Variants in SYNE1 observed in about 807,000 individuals in gnomAD.
SYNE1 encodes the protein spectrin repeat containing nuclear envelope protein 1.
In SYNE1, 616 loss-of-function variants were observed where a neutral mutation model predicts 1,111.0. The observed-to-expected ratio is 0.55, with a 90% CI of 0.52 to 0.59. SYNE1 has a LOEUF of 0.59. Ranked by LOEUF, SYNE1 falls within the 20% of genes least tolerant of loss-of-function variation. SYNE1 has a pLI of 0.00. For synonymous variants in SYNE1, 3,855 were observed against 3,825.8 expected (o/e 1.01, Z -0.28); for missense variants, 10,006 against 10,417.0 (o/e 0.96, Z 1.72).
Position 152,329,816 on chromosome 6 carries a change from C to A in SYNE1, c.14869G>T (p.Glu4957Ter), listed in dbSNP as rs1209080796. Residue 4957 changes from glutamate (E) to a stop codon, truncating the protein, a stop_gained, in exon 78 of 146, where the codon GAG (glutamate) becomes TAG (stop). Transcript: ENST00000367255. LOFTEE classifies it high-confidence loss of function. The part of the protein sequence containing the change: ...KEKEKFTKAK[E>*]LISADLEHSL... The stretch of plus-strand genomic sequence containing the variant: ...TGTTCTAAATCCGCAGAAATCAGCT[C>A]CTTGGCCTTTGTGAACTTCTCCTTT... 1 of 1,614,160 alleles carries A rather than the reference C, an allele frequency of 6.2e-7. No homozygotes were observed. Among genetic ancestry groups the A allele is most frequent in the African/African-American group, 1.3e-5 (1 of 75,042 alleles).
At chr6:152,570,071 C>A (rs182872163) in intron 3 of SYNE1, among the ~76,000 whole-genome samples, 5 of 152,284 alleles carry the variant, frequency 3.3e-5, no homozygotes, top group Non-Finnish European at 2.9e-5. Flanking sequence ...GCAATTATTT[C>A]GTGTTGTCTA....
chr6:152,574,142 T>C (rs1182306592), intron 3 of SYNE1, among the ~76,000 whole-genome samples: 1 of 144,586 alleles, frequency 6.9e-6, no homozygotes, highest in Non-Finnish European at 1.5e-5. Context: ...GAATATATAA[T>C]GGGATATACA....
intron 87 of SYNE1, chr6:152,315,738 T>C (rs1191304601): frequency 6.6e-6 from 1 of 152,214 alleles, no homozygotes. Context: ...AGTGGTAACT[T>C]AAGTCCTGTC....
At chr6:152,277,891 C>G in intron 98 of SYNE1, 198 bp downstream of exon 98, 1 of 680,884 alleles carries the variant, frequency 1.5e-6, no homozygotes, top group South Asian at 1.6e-5. Flanking sequence ...GTTAGTAGTC[C>G]TAACAAAATC....
At chr6:152,535,383 T>C (rs1366881310) in intron 4 of SYNE1, among the ~76,000 whole-genome samples, 2 of 152,226 alleles carry the variant, frequency 1.3e-5, no homozygotes, top group Non-Finnish European at 2.9e-5. Flanking sequence ...GCTCATATCA[T>C]GCCTGAGTTC....
chr6:152,387,269 G>T lies in SYNE1; in HGVS notation c.8290C>A (p.Pro2764Thr), dbSNP rs201798366. 1.2e-6 allele frequency: 2 copies of T among 1,614,154 alleles called. No homozygotes were observed. The highest frequency in any genetic ancestry group is 2.7e-5 in the African/African-American group (2 of 75,040). ...AGGACGAACTTCTCTTTCAGACCTG[G>T]CTGTGGTTGTAAGGGATGTTCTATT... ...QKIEHPLQPQ[P>T]GLKEKFVLLD... The change falls in exon 54 of 146, where the codon CCA becomes ACA. Residue 2764 changes from proline (P) to threonine (T), a missense_variant. This residue lies in a region of SYNE1 where 4,955 missense variants were observed against 5,017.2 expected (regional missense o/e 0.99). Coordinates refer to ENST00000367255, the MANE Select transcript of SYNE1 (RefSeq NM_182961.4).
chr6:152,237,036 T>C lies in SYNE1; in HGVS notation c.20068-88A>G. On this transcript the variant is annotated intron_variant, in intron 108 of 145. Coordinates refer to ENST00000367255, the MANE Select transcript of SYNE1 (RefSeq NM_182961.4). ...TGGGTGCAAAATACGTGCCTGACAG[T>C]CTCTCCTTAAAGTTATATCAGAGAT... 3 of 1,534,130 alleles carry C rather than the reference T, an allele frequency of 2.0e-6. No individual in the cohort carries two copies. In the South Asian group the frequency reaches 3.5e-5, roughly 18 times the overall value.
At chr6:152,509,476 C>G (rs1344707224) in intron 8 of SYNE1, among the ~76,000 whole-genome samples, 1 of 152,110 alleles carries the variant, frequency 6.6e-6, no homozygotes, top group East Asian at 1.9e-4. Context: ...AGGCTGGTCT[C>G]GATCTCCTGA....
chr6:152,344,963 T>C (rs1008791814), intron 73 of SYNE1, among the ~76,000 whole-genome samples: 6 of 152,222 alleles, frequency 3.9e-5, no homozygotes, highest in African/African-American at 1.4e-4. Context: ...GAAATTAGTT[T>C]AACCTGGCAT....
chr6:152,476,066 G>A lies in SYNE1; in HGVS notation c.1351-3653C>T, dbSNP rs117124944. Among the ~76,000 whole-genome samples the A allele has an allele frequency of 8.0e-3, 1,222 of 152,096 alleles. 11 individuals carry two copies. The highest frequency in any genetic ancestry group is 0.011 in the Non-Finnish European group (774 of 67,994). Reference sequence around the variant, plus strand: ...TGGATTCCCTCCAGGATCAGTCCTTGGTCCCTTTCTCTTCTCTGTATATAC... The same window carrying A: ...TGGATTCCCTCCAGGATCAGTCCTTAGTCCCTTTCTCTTCTCTGTATATAC... On this transcript the variant is annotated intron_variant, in intron 14 of 145. Coordinates refer to ENST00000367255, the MANE Select transcript of SYNE1 (RefSeq NM_182961.4).
In SYNE1 at chr6:152,300,625, G is replaced by A. The variant is rs745523682; in HGVS notation, c.17682+16C>T. On this transcript the variant is annotated intron_variant, in intron 93 of 145. Coordinates refer to ENST00000367255, the MANE Select transcript of SYNE1 (RefSeq NM_182961.4). Reference sequence around the variant, plus strand: ...GCCCAGAGATTATTGCTAGAGGAATGCCAACTGGGAGGTACCTGGTTAACA... The same window carrying A: ...GCCCAGAGATTATTGCTAGAGGAATACCAACTGGGAGGTACCTGGTTAACA... The A allele has an allele frequency of 9.3e-6, 15 of 1,613,996 alleles. No homozygotes were observed. Among genetic ancestry groups the A allele is most frequent in the Non-Finnish European group, 1.3e-5 (15 of 1,180,022 alleles).
At chr6:152,458,650 T>C in intron 22 of SYNE1, 107 bp downstream of exon 22, 2 of 1,235,086 alleles carry the variant, frequency 1.6e-6, no homozygotes, top group Non-Finnish European at 2.3e-6. Flanking sequence ...AGTACTATTC[T>C]AGAAAAATGT....
Position 152,363,223 on chromosome 6 carries a change from G to A in SYNE1, c.10146-900C>T, listed in dbSNP as rs950161831. Among the ~76,000 whole-genome samples the A allele has an allele frequency of 3.2e-4, 48 of 147,802 alleles. 2 individuals are homozygous for A. The highest frequency in any genetic ancestry group is 7.4e-4 in the African/African-American group (30 of 40,810). On this transcript the variant is annotated intron_variant, in intron 63 of 145. Coordinates refer to ENST00000367255, the MANE Select transcript of SYNE1 (RefSeq NM_182961.4). ...AAATTTCATTAATCAGGCCGGGCGC[G>A]GTGACTCACGCCTGTAATCCCAGCA... is the stretch of plus-strand genomic sequence containing the variant.
Position 152,498,385 on chromosome 6 carries a change from ACTAAAC to A in SYNE1, c.939+351_939+356del, listed in dbSNP as rs377753321. The stretch of plus-strand genomic sequence containing the variant: ...CTCTGCTAACATTTTAAGATACAAA[ACTAAAC>A]CTTTATTTTGTTTTTATTTTCTGTG... On this transcript the variant is annotated intron_variant, in intron 11 of 145. Coordinates refer to ENST00000367255, the MANE Select transcript of SYNE1 (RefSeq NM_182961.4). Among the ~76,000 whole-genome samples, 276 of 152,314 alleles carry A rather than the reference ACTAAAC, an allele frequency of 1.8e-3. 2 individuals carry two copies. Among genetic ancestry groups the A allele is most frequent in the African/African-American group, 6.3e-3 (262 of 41,582 alleles).
At chr6:152,238,166 G>A (rs916309219) in intron 108 of SYNE1, among the ~76,000 whole-genome samples, 1 of 152,164 alleles carries the variant, frequency 6.6e-6, no homozygotes, top group Non-Finnish European at 1.5e-5. Context: ...GGTAGGGGTG[G>A]GAGGGAGTGC....
At chr6:152,502,763 T>C (rs2099036653) in intron 9 of SYNE1, 21 bp from the exon 10 acceptor site, 1 of 1,537,320 alleles carries the variant, frequency 6.5e-7, no homozygotes, top group East Asian at 2.3e-5. Context: ...AAAAAAGAAA[T>C]GTGAATAAAC....
intron 76 of SYNE1, chr6:152,335,471 T>C (rs1474004203): frequency 2.6e-5 from 4 of 152,192 alleles, no homozygotes; most frequent in Non-Finnish European, 5.9e-5. Flanking sequence ...AAATTAAATT[T>C]CTAGGATGGT....
intron 127 of SYNE1, among the ~76,000 whole-genome samples, chr6:152,201,413 T>C (rs1181932276): frequency 1.3e-5 from 2 of 151,922 alleles, no homozygotes; most frequent in Non-Finnish European, 2.9e-5. Flanking sequence ...CATAATGGTC[T>C]AGAGGGCAGG....
chr6:152,124,184 T>C (rs1005960797), intron 145 of SYNE1, among the ~76,000 whole-genome samples: 1 of 152,150 alleles, frequency 6.6e-6, no homozygotes, highest in Non-Finnish European at 1.5e-5. Flanking sequence ...CGTGTGCCTG[T>C]AGTCCCAGTC....
Sources: allele counts gnomAD v4.1 joint callset (sites outside exome capture counted in the v4.1 genomes callset), GRCh38; gene constraint gnomAD v4.1.1; regional missense constraint gnomAD v4.1.1; transcripts MANE v1.5; gene names NCBI Gene and HGNC (gene_info 2026-07-23, HGNC 2026-07-21).